The following USP39 variants were observed in gnomAD, a reference collection of about 807,000 sequenced individuals.
USP39 encodes the protein ubiquitin carboxyl-terminal hydrolase 39.
In USP39, 38 loss-of-function variants were observed where a neutral mutation model predicts 66.4. That is an observed-to-expected ratio of 0.57 (90% CI 0.44 to 0.75). The LOEUF (loss-of-function observed/expected upper bound fraction) is 0.75, where lower values mean the gene tolerates loss of function less well. Among genes scored for constraint, USP39 ranks in the 30% least tolerant of loss-of-function variants. The pLI is 0.00. For missense variants in USP39, 608 were observed against 714.4 expected (o/e 0.85, Z 1.70); for synonymous variants, 303 against 274.6 (o/e 1.10, Z -1.02).
At chr2:85,646,978 C>T (rs1676694730) in intron 11 of USP39, among the ~76,000 whole-genome samples, 1 of 151,264 alleles carries the variant, frequency 6.6e-6, no homozygotes, top group Non-Finnish European at 1.5e-5. Flanking sequence ...ACCTCCACCT[C>T]CTGGGTTCAA....
intron 1 of USP39, 100 bp from the exon 2 acceptor site, chr2:85,619,120 C>G (rs1215891253): frequency 1.5e-6 from 2 of 1,358,016 alleles, no homozygotes; most frequent in African/African-American, 2.9e-5. Flanking sequence ...AGGAACTCAT[C>G]TTGATTAGTT....
intron 10 of USP39, among the ~76,000 whole-genome samples, chr2:85,641,580 T>C (rs1676232022): frequency 6.6e-6 from 1 of 152,104 alleles, no homozygotes; most frequent in African/African-American, 2.4e-5. Flanking sequence ...TGGTTTTCAG[T>C]TCTCAAGAGA....
At chr2:85,611,887 T>A, upstream of USP39, 1 of 1,596,652 alleles carries the variant, frequency 6.3e-7, no homozygotes, top group East Asian at 2.3e-5. Context: ...CCGAGCGATC[T>A]GGTTCCGTCG....
intron 3 of USP39, among the ~76,000 whole-genome samples, chr2:85,623,350 T>C (rs192206915): frequency 1.1e-3 from 161 of 149,206 alleles, no homozygotes; most frequent in Admixed American, 5.8e-3. Context: ...ATGTATTATA[T>C]ATAGATATAT....
intron 1 of USP39, among the ~76,000 whole-genome samples, chr2:85,618,350 T>G (rs1225065912): frequency 6.6e-6 from 1 of 151,596 alleles, no homozygotes; most frequent in East Asian, 2.0e-4. Context: ...GATCGCAAGG[T>G]CAGGAGTTCG....
At chr2:85,623,085 G>C (rs975247458) in intron 3 of USP39, among the ~76,000 whole-genome samples, 3 of 152,150 alleles carry the variant, frequency 2.0e-5, no homozygotes, top group Non-Finnish European at 4.4e-5. Flanking sequence ...AAGAGCTGAG[G>C]TGGGACTTGA....
chr2:85,639,845 C>T (rs1174121403), intron 9 of USP39: 1 of 153,064 alleles, frequency 6.5e-6, no homozygotes, highest in African/African-American at 2.4e-5. Context: ...TGGTATTTCT[C>T]ACTGGTCACC....
Position 85,616,288 on chromosome 2 carries a change from G to T in USP39, c.93G>T (p.Glu31Asp). 1 of 1,563,180 alleles carries T rather than the reference G, an allele frequency of 6.4e-7. No homozygotes were observed. The highest frequency in any genetic ancestry group is 8.7e-7 in the Non-Finnish European group (1 of 1,152,402). The stretch of plus-strand genomic sequence containing the variant: ...GCAGCTCCGGTCGCGTCAAGCGGGA[G>T]CGAGATCGGGAGCGGGAGCCTGAGG... ...SRGSSGRVKR[E>D]RDREREPEAA... Residue 31 changes from glutamate to aspartate, a missense_variant, in exon 1 of 13, where the codon GAG becomes GAT. Glu to Asp is a conservative substitution (Grantham distance 45). Coordinates refer to ENST00000323701, the MANE Select transcript of USP39 (RefSeq NM_006590.4).
intron 10 of USP39, among the ~76,000 whole-genome samples, chr2:85,643,659 T>G (rs570834260): frequency 6.6e-6 from 1 of 151,452 alleles, no homozygotes; most frequent in South Asian, 2.1e-4. Flanking sequence ...TTTTTTTTTT[T>G]TTTTTGGAGA....
At chr2:85,611,450 G>T (rs1034391575), upstream of USP39, 3 of 1,540,756 alleles carry the variant, frequency 1.9e-6, no homozygotes, top group South Asian at 3.6e-5. Flanking sequence ...CTGGCTCCCC[G>T]ATACTCTGAC....
chr2:85,605,774 G>C lies in USP39; in HGVS notation n.226+2693G>C, dbSNP rs143452153. On this transcript the variant is annotated intron_variant and non_coding_transcript_variant, in intron 1 of 12. Transcript: ENST00000459775. ...AGATTGGATACTCACCATCCCAAAG[G>C]GGTTCCTCCCACCTGGATGGGGCCA... Among the ~76,000 whole-genome samples the C allele has an allele frequency of 2.5e-3, 377 of 152,250 alleles. 1 individual carries two copies. The highest frequency in any genetic ancestry group is 3.7e-3 in the Non-Finnish European group (254 of 68,018).
upstream of USP39, chr2:85,611,715 G>C (rs1005325640): frequency 2.5e-6 from 4 of 1,597,582 alleles, no homozygotes; most frequent in Middle Eastern, 5.0e-4. Context: ...GCGGGGCCGC[G>C]TCGGCGCGGG....
At chr2:85,633,831 CTTT>C (rs35970499) in intron 6 of USP39, among the ~76,000 whole-genome samples, 166 of 78,972 alleles carry the variant, frequency 2.1e-3, no homozygotes, top group African/African-American at 7.3e-3. Flanking sequence ...CGAGTAGTGG[CTTT>C]TTTTTTTTTT....
rs556991835 is a variant in USP39 at position 85,616,365 on chromosome 2, C to T, written c.170C>T (p.Ala57Val). 8.7e-6 allele frequency: 14 copies of T among 1,600,312 alleles called. No individual in the cohort carries two copies. The highest frequency in any genetic ancestry group is 1.7e-4 in the Middle Eastern group (1 of 5,996). ...CGCGTGAAGCGGGAGTTCGAGCCGG[C>T]GAGCGCGCGCGAGGCCCCGGCTTCT... ...PVRVKREFEP[A>V]SAREAPASVV... is the part of the protein sequence containing the mutation. Residue 57 changes from alanine (A) to valine (V), a missense_variant, in exon 1 of 13, where the codon GCG becomes GTG. Physicochemically the swap from Ala to Val is moderately conservative, Grantham distance 64. Around this residue, in one of 6 missense-constraint regions of USP39, gnomAD observed 207 missense variants for 145.7 expected, o/e 1.42. Coordinates refer to ENST00000323701, the MANE Select transcript of USP39 (RefSeq NM_006590.4).
chr2:85,628,249 G>A (rs553586758), intron 5 of USP39, among the ~76,000 whole-genome samples: 1 of 152,192 alleles, frequency 6.6e-6, no homozygotes, highest in African/African-American at 2.4e-5. Flanking sequence ...AGGTTCAAGC[G>A]ATTCTCCTGC....
At chr2:85,619,375 T>G in intron 2 of USP39, 86 bp downstream of exon 2, 1 of 1,406,070 alleles carries the variant, frequency 7.1e-7, no homozygotes. Flanking sequence ...AACAACACAT[T>G]GACAAACTTT....
intron 6 of USP39, among the ~76,000 whole-genome samples, chr2:85,633,129 A>AT (rs543229075): frequency 1.6e-4 from 24 of 150,542 alleles, no homozygotes; most frequent in Admixed American, 4.0e-4. Context: ...GAAGGCTTTT[A>AT]TTTTTTTTTG....
At chr2:85,623,439 G>A (rs1438292248) in intron 3 of USP39, among the ~76,000 whole-genome samples, 3 of 151,718 alleles carry the variant, frequency 2.0e-5, no homozygotes. Context: ...AGGCCATTTA[G>A]AGAATGAAGT....
At chr2:85,611,565 G>A (rs1370111479), upstream of USP39, 18 of 1,551,008 alleles carry the variant, frequency 1.2e-5, no homozygotes, top group East Asian at 3.4e-4. Flanking sequence ...GAGACGAGAT[G>A]AGCTGAACCT....
Sources: gnomAD v4.1 joint callset for allele counts (sites outside exome capture counted in the v4.1 genomes callset) on GRCh38, gnomAD v4.1.1 for gene constraint, gnomAD v4.1.1 regional missense constraint, MANE v1.5 for transcripts, NCBI Gene and HGNC (gene_info 2026-07-23, HGNC 2026-07-21) for gene names.